The following NPLOC4 variants were observed in gnomAD, a reference collection of about 807,000 sequenced individuals.
The protein encoded by NPLOC4 is NPL4 homolog, ubiquitin recognition factor, also known as nuclear protein localization protein 4 homolog.
A neutral mutation model predicts 80.6 loss-of-function variants in NPLOC4; 18 were observed. The ratio of observed to expected loss-of-function variants is 0.22; its 90% CI spans 0.15 to 0.33. The LOEUF is 0.33. NPLOC4 is among the 10% of genes least tolerant of loss of function. The pLI, the probability that NPLOC4 is intolerant of heterozygous loss-of-function variation, is 1.00. For synonymous variants in NPLOC4, 313 were observed against 301.5 expected (o/e 1.04, Z -0.39); for missense variants, 540 against 786.1 (o/e 0.69, Z 3.74).
intron 10 of NPLOC4, 42 bp from the exon 11 acceptor site, chr17:81,596,284 G>A (rs1423730721): frequency 6.3e-7 from 1 of 1,583,200 alleles, no homozygotes; most frequent in African/African-American, 1.3e-5. Context: ...ACAGCATCAT[G>A]CCAAAATATA....
intron 9 of NPLOC4, among the ~76,000 whole-genome samples, chr17:81,599,778 T>G (rs768206618): frequency 9.2e-5 from 14 of 152,264 alleles, no homozygotes; most frequent in Non-Finnish European, 2.1e-4. Flanking sequence ...GGAAATCCTT[T>G]TCTCATCTTC....
intron 3 of NPLOC4, among the ~76,000 whole-genome samples, chr17:81,620,714 AGAAG>A (rs897240527): frequency 1.5e-4 from 23 of 152,170 alleles, no homozygotes; most frequent in African/African-American, 5.5e-4. Flanking sequence ...GCAACAGAAG[AGAAG>A]GAAGGAGGGC....
At position 81,557,692 on chromosome 17, in the gene NPLOC4, G is replaced by C. The variant is rs1342739491; in HGVS notation, c.*1567C>G. 6.6e-6 allele frequency: 1 copy of C among 152,242 alleles called. No homozygotes were observed. The highest frequency in any genetic ancestry group is 1.5e-5 in the Non-Finnish European group (1 of 68,098). The allele number at this position is 152,242 out of a possible 1,614,324, so 9.4% of individuals were successfully genotyped here. A position where few individuals can be genotyped will look rare whatever the true frequency, so the allele number is the denominator to read the frequency against. ...AGGGAGAGCAGACAGCCCGCGGTGG[G>C]CAAGCTGGGAGTTGCATCCGCAGCA... is the stretch of plus-strand genomic sequence containing the variant. On this transcript the variant is annotated 3_prime_UTR_variant, in exon 17 of 17. Transcript: ENST00000331134.
chr17:81,621,853 G>C (rs947684581), intron 3 of NPLOC4, among the ~76,000 whole-genome samples: 2 of 152,166 alleles, frequency 1.3e-5, no homozygotes, highest in Admixed American at 6.6e-5. Context: ...CTGTGTTCAA[G>C]GTCTTTCACT....
chr17:81,586,312 G>A (rs1165483030), intron 12 of NPLOC4, among the ~76,000 whole-genome samples: 1 of 151,926 alleles, frequency 6.6e-6, no homozygotes, highest in Admixed American at 6.6e-5. Flanking sequence ...TTTGCAGCTG[G>A]GTGTGGTGTA....
At chr17:81,634,836 G>A (rs2036024914) in intron 1 of NPLOC4, among the ~76,000 whole-genome samples, 1 of 151,912 alleles carries the variant, frequency 6.6e-6, no homozygotes, top group Admixed American at 6.6e-5. Context: ...GCCCACCTCG[G>A]CCTCCCAAAG....
chr17:81,597,152 G>C (rs1226321260), intron 10 of NPLOC4, 93 bp downstream of exon 10: 1 of 858,570 alleles, frequency 1.2e-6, no homozygotes, highest in South Asian at 1.5e-5. Context: ...CTGAAAGCTA[G>C]AACCAGCGGT....
Position 81,596,122 on chromosome 17 carries a change from C to A in NPLOC4, c.1114G>T (p.Ala372Ser). 6.2e-7 allele frequency: 1 copy of A among 1,613,852 alleles called. No individual in the cohort carries two copies. The highest frequency in any genetic ancestry group is 1.1e-5 in the South Asian group (1 of 91,078). Reference sequence around the variant, plus strand: ...CATACTGTCCCTGTTATACCTGTAGCCACTGCAGTAACAAACTTGGATCCA... The same window carrying A: ...CATACTGTCCCTGTTATACCTGTAGACACTGCAGTAACAAACTTGGATCCA... The part of the protein sequence containing the change: ...HFGSKFVTAV[A>S]TGGPDNQVHF... The change falls in exon 11 of 17, where the codon GCT (alanine) becomes TCT (serine). Residue 372 changes from alanine to serine, a missense_variant. This residue lies in a region of NPLOC4 where 251 missense variants were observed against 377.5 expected (regional missense o/e 0.66). Transcript: ENST00000331134.
intron 12 of NPLOC4, among the ~76,000 whole-genome samples, chr17:81,579,566 C>T (rs992827338): frequency 4.6e-5 from 7 of 152,050 alleles, no homozygotes; most frequent in African/African-American, 1.7e-4. Context: ...GATCCCCAAA[C>T]CTGCATCCCA....
At chr17:81,566,770 T>C (rs934623383) in intron 15 of NPLOC4, 5 of 152,446 alleles carry the variant, frequency 3.3e-5, no homozygotes, top group African/African-American at 1.2e-4. Context: ...TGCTCCTTTC[T>C]CTTTGGCATT....
chr17:81,596,065 A>C (rs2034901307), intron 11 of NPLOC4, 51 bp downstream of exon 11: 1 of 1,556,950 alleles, frequency 6.4e-7, no homozygotes, highest in Admixed American at 1.8e-5. Context: ...AGAGGAACAA[A>C]ATATATTAAC....
chr17:81,633,547 GAC>G (rs1184931273), intron 1 of NPLOC4, among the ~76,000 whole-genome samples: 2 of 152,302 alleles, frequency 1.3e-5, no homozygotes, highest in East Asian at 3.9e-4. Flanking sequence ...CCTAGCCTCT[GAC>G]ACAGACTACA....
At chr17:81,597,643 G>A (rs988975911) in intron 9 of NPLOC4, among the ~76,000 whole-genome samples, 3 of 151,932 alleles carry the variant, frequency 2.0e-5, no homozygotes, top group East Asian at 1.9e-4. Flanking sequence ...AATTAGTTGG[G>A]GTGGTGGCGC....
chr17:81,565,604 T>C lies in NPLOC4; in HGVS notation c.1570A>G (p.Ser524Gly). 3 of 1,546,768 alleles carry C rather than the reference T, an allele frequency of 1.9e-6. No individual in the cohort carries two copies. The highest frequency in any genetic ancestry group is 2.6e-6 in the Non-Finnish European group (3 of 1,147,258). ...ACGGCCTCCAGCAGCAAGCTGATGC[T>C]GTCCTACAAGAAGCCAAAAGGAAGG... ...VTNEVMPLQD[S>G]ISLLLEAVRT... The change falls in exon 16 of 17, where the codon AGC becomes GGC. Residue 524 changes from serine to glycine, a missense_variant. Transcript: ENST00000331134.
Position 81,567,597 on chromosome 17 carries a change from A to G in NPLOC4, c.1450-64T>C. ...TCCCCAGTGCCAGACCCCGAAACAG[A>G]GCTGTTTCCTACTAAGACGCAACTC... On this transcript the variant is annotated intron_variant, in intron 14 of 16. Transcript: ENST00000331134. The surrounding 1 kb of genome is among the most constrained non-coding windows in gnomAD (Gnocchi z 4.5). 2.0e-6 allele frequency: 2 copies of G among 984,742 alleles called. No individual in the cohort carries two copies. The highest frequency in any genetic ancestry group is 1.4e-5 in the South Asian group (1 of 71,216). 61.0% of individuals were successfully genotyped at this position (984,742 alleles called of 1,614,324 possible).
At chr17:81,618,399 A>G in intron 3 of NPLOC4, among the ~76,000 whole-genome samples, 1 of 147,476 alleles carries the variant, frequency 6.8e-6, no homozygotes, top group African/African-American at 2.5e-5. Context: ...CCGTCTGAGA[A>G]GTGAGGAGCC....
intron 2 of NPLOC4, among the ~76,000 whole-genome samples, chr17:81,622,561 G>A: frequency 6.6e-6 from 1 of 152,256 alleles, no homozygotes; most frequent in East Asian, 1.9e-4. Context: ...GGCTATCCTT[G>A]TTTTGTTTTC....
At chr17:81,602,924 CACACACACATATATATAT>C (rs1320660853) in intron 8 of NPLOC4, among the ~76,000 whole-genome samples, 1 of 103,760 alleles carries the variant, frequency 9.6e-6, no homozygotes, top group Non-Finnish European at 1.9e-5. Context: ...TGTATATATA[CACACACACATATATATAT>C]ACACACACAT....
chr17:81,632,199 C>T (rs1195465949), intron 1 of NPLOC4, among the ~76,000 whole-genome samples: 1 of 151,682 alleles, frequency 6.6e-6, no homozygotes, highest in Non-Finnish European at 1.5e-5. Context: ...TGGTCTTAAA[C>T]GCCTACCTCA....
Sources: gnomAD v4.1 joint callset for allele counts (sites outside exome capture counted in the v4.1 genomes callset) on GRCh38, gnomAD v4.1.1 for gene constraint, gnomAD v4.1.1 regional missense constraint, Gnocchi (gnomAD v3.1) non-coding constraint, MANE v1.5 for transcripts, NCBI Gene and HGNC (gene_info 2026-07-23, HGNC 2026-07-21) for gene names.